ZNF382: variants seen among roughly 807,000 people sequenced by gnomAD.
ZNF382 encodes KRAB/zinc finger suppressor protein 1.
A neutral mutation model predicts 38.8 loss-of-function variants in ZNF382; 20 were observed. That is an observed-to-expected ratio of 0.51 (90% CI 0.36 to 0.75). The LOEUF (loss-of-function observed/expected upper bound fraction) is 0.75, where lower values mean the gene tolerates loss of function less well. ZNF382 is among the 30% of genes least tolerant of loss of function. ZNF382 has a pLI of 0.00. For missense variants in ZNF382, 546 were observed against 654.1 expected (o/e 0.83, Z 1.80); for synonymous variants, 202 against 223.1 (o/e 0.91, Z 0.84).
chr19:36,614,019 C>T (rs1364242445), intron 4 of ZNF382, among the ~76,000 whole-genome samples: 2 of 152,090 alleles, frequency 1.3e-5, no homozygotes, highest in African/African-American at 4.8e-5. Context: ...AGTCAGTTAG[C>T]GTAAGTCCTC....
At chr19:36,621,931 A>G (rs899320310) in intron 4 of ZNF382, among the ~76,000 whole-genome samples, 1 of 152,102 alleles carries the variant, frequency 6.6e-6, no homozygotes, top group African/African-American at 2.4e-5. Flanking sequence ...CCAACTAGGA[A>G]GTTAGAGGGT....
chr19:36,607,291 A>G (rs1330590366), intron 1 of ZNF382, among the ~76,000 whole-genome samples: 1 of 151,634 alleles, frequency 6.6e-6, no homozygotes, highest in African/African-American at 2.4e-5. Flanking sequence ...AGAGGGAAAA[A>G]CACAGTGTTC....
chr19:36,624,094 A>C (rs959139538), intron 4 of ZNF382, among the ~76,000 whole-genome samples: 4 of 152,172 alleles, frequency 2.6e-5, no homozygotes, highest in Admixed American at 6.5e-5. Context: ...GTCTCAAAAA[A>C]AAAAAGGAAA....
At chr19:36,611,246 C>T (rs1263671824) in intron 4 of ZNF382, among the ~76,000 whole-genome samples, 3 of 151,998 alleles carry the variant, frequency 2.0e-5, no homozygotes, top group South Asian at 2.1e-4. Flanking sequence ...GCCAAGATCA[C>T]ACCACTGCAC....
chr19:36,607,628 A>G lies in ZNF382; in HGVS notation c.-14+6A>G. On this transcript the variant is annotated splice_donor_region_variant and intron_variant, in intron 2 of 4. Coordinates refer to ENST00000292928, the MANE Select transcript of ZNF382 (RefSeq NM_032825.5). ...ATCTCAAAGCCATGTCTCAGGTGAG[A>G]TGATGTTTCCTCTCTTTCTGAAATA... The G allele has an allele frequency of 6.6e-7, 1 of 1,523,764 alleles. No homozygotes were observed. The highest frequency in any genetic ancestry group is 8.7e-7 in the Non-Finnish European group (1 of 1,143,112). The allele number at this position is 1,523,764 out of a possible 1,614,324, so 94.4% of individuals were successfully genotyped here.
chr19:36,625,550 CTT>C (rs55992712), intron 4 of ZNF382, among the ~76,000 whole-genome samples: 12 of 137,172 alleles, frequency 8.7e-5, no homozygotes, highest in Non-Finnish European at 7.8e-5. Flanking sequence ...GCTCACTTAT[CTT>C]TTTTTTTTTT....
intron 2 of ZNF382, chr19:36,608,441 A>G (rs1334679975): frequency 6.6e-6 from 1 of 152,194 alleles, no homozygotes; most frequent in Non-Finnish European, 1.5e-5. Context: ...ATGCCAGGCC[A>G]CTTTTGAAAT....
rs2037250684 is a variant in ZNF382 at position 36,630,985 on chromosome 19, G to GTGTTT, written c.*3439_*3440insTTGTT. On this transcript the variant is annotated 3_prime_UTR_variant, in exon 5 of 5. Transcript: ENST00000292928. ...TTTTTTATACATATGGGGTCTCGTT[G>GTGTTT]TGTTGCCCAGGCTGGTATTGAACTC... is the stretch of plus-strand genomic sequence containing the variant. The GTGTTT allele has an allele frequency of 1.3e-5, 2 of 151,708 alleles. No homozygotes were observed. The highest frequency in any genetic ancestry group is 2.9e-5 in the Non-Finnish European group (2 of 67,942). 9.4% of individuals were successfully genotyped at this position (151,708 alleles called of 1,614,324 possible).
Position 36,607,472 on chromosome 19 carries a change from A to T in ZNF382, c.-84-80A>T, listed in dbSNP as rs570470726. The stretch of plus-strand genomic sequence containing the variant: ...GTGCTGAAATAGTGAACATTCATGC[A>T]GATTTAACTGAGTTAATTCTGGGAG... On this transcript the variant is annotated intron_variant, in intron 1 of 4. Transcript: ENST00000292928. 29 of 817,328 alleles carry T rather than the reference A, an allele frequency of 3.5e-5. No homozygotes were observed. In the South Asian group the frequency reaches 4.4e-4, roughly 12 times the overall value. The allele number at this position is 817,328 out of a possible 1,614,324, so 50.6% of individuals were successfully genotyped here.
Position 36,630,161 on chromosome 19 carries a change from C to T in ZNF382, c.*2611C>T, listed in dbSNP as rs183690950. ...AGTAAATCATATTCATCATATACTT[C>T]CCAATTTTGCACACACAAAAAATGA... On this transcript the variant is annotated 3_prime_UTR_variant, in exon 5 of 5. Coordinates refer to ENST00000292928, the MANE Select transcript of ZNF382 (RefSeq NM_032825.5). The T allele has an allele frequency of 1.7e-3, 256 of 152,096 alleles. No homozygotes were observed. Among genetic ancestry groups the T allele is most frequent in the African/African-American group, 5.9e-3 (245 of 41,478 alleles). The allele number at this position is 152,096 out of a possible 1,614,324, so 9.4% of individuals were successfully genotyped here.
intron 4 of ZNF382, among the ~76,000 whole-genome samples, chr19:36,616,310 T>A (rs2037125644): frequency 6.6e-6 from 1 of 152,164 alleles, no homozygotes; most frequent in Non-Finnish European, 1.5e-5. Context: ...AGTTCAAGGC[T>A]GCAGTGAGCT....
chr19:36,614,889 CT>C, intron 4 of ZNF382, among the ~76,000 whole-genome samples: 1 of 76,270 alleles, frequency 1.3e-5, no homozygotes, highest in Non-Finnish European at 2.7e-5. Context: ...TCTTCCTTTC[CT>C]TTCCTTTCCT....
chr19:36,627,117 C>A lies in ZNF382; in HGVS notation c.1220C>A (p.Pro407Gln). 6.2e-7 allele frequency: 1 copy of A among 1,614,052 alleles called. No individual in the cohort carries two copies. Among genetic ancestry groups the A allele is most frequent in the Non-Finnish European group, 8.5e-7 (1 of 1,180,024 alleles). Residue 407 changes from proline (P) to glutamine (Q), a missense_variant, in exon 5 of 5, where the codon CCG becomes CAG. Coordinates refer to ENST00000292928, the MANE Select transcript of ZNF382 (RefSeq NM_032825.5). ...CAGAGAACTCACACAGGAGAGAAAC[C>A]GTATCAGTGTAATGAGTGTGGGAAG... ...DHQRTHTGEKPYQCNECGKAF... is the reference protein window; with the variant it reads ...DHQRTHTGEKQYQCNECGKAF...
Position 36,614,880 on chromosome 19 carries a change from C to CTTCCTTTCCTTTCCT in ZNF382, c.232+4160_232+4174dup, listed in dbSNP as rs376641731. Reference sequence around the variant, plus strand: ...GAACCATTTCTTTCTTTCTTTCTTTCTTCCTTTCCTTTCCTTTCCTTTCCT... The same window carrying CTTCCTTTCCTTTCCT: ...GAACCATTTCTTTCTTTCTTTCTTTCTTCCTTTCCTTTCCTTTCCTTTCCTTTCCTTTCCTTTCCT... On this transcript the variant is annotated intron_variant, in intron 4 of 4. Transcript: ENST00000292928. 3.0e-3 allele frequency among the ~76,000 whole-genome samples: 270 copies of CTTCCTTTCCTTTCCT among 89,858 alleles called. 6 individuals carry two copies. The highest frequency in any genetic ancestry group is 7.7e-3 in the African/African-American group (174 of 22,666). 59.0% of individuals were successfully genotyped at this position (89,858 alleles called of 152,430 possible). A position where few individuals can be genotyped will look rare whatever the true frequency, so the allele number is the denominator to read the frequency against.
intron 4 of ZNF382, among the ~76,000 whole-genome samples, chr19:36,618,096 G>A (rs1465442107): frequency 1.3e-5 from 2 of 152,006 alleles, no homozygotes; most frequent in Non-Finnish European, 2.9e-5. Flanking sequence ...GTTTTGTTTT[G>A]TTTGCCTGTT....
At chr19:36,623,231 C>A (rs931612323) in intron 4 of ZNF382, among the ~76,000 whole-genome samples, 2 of 152,082 alleles carry the variant, frequency 1.3e-5, no homozygotes, top group Non-Finnish European at 1.5e-5. Context: ...TTTAGGGGTA[C>A]CTGCCAGCAT....
chr19:36,608,628 T>G (rs1438482189), intron 2 of ZNF382: 1 of 152,216 alleles, frequency 6.6e-6, no homozygotes, highest in African/African-American at 2.4e-5. Flanking sequence ...AGGCTACACT[T>G]AGTGTGATTC....
intron 4 of ZNF382, among the ~76,000 whole-genome samples, chr19:36,621,786 G>C (rs2145329874): frequency 6.6e-6 from 1 of 152,258 alleles, no homozygotes; most frequent in East Asian, 1.9e-4. Context: ...TTGGATTTTA[G>C]TATCCTTGGG....
At chr19:36,614,914 C>CGTTTCCCTTTCCCTTTCCCT (rs1555793084) in intron 4 of ZNF382, among the ~76,000 whole-genome samples, 6 of 90,820 alleles carry the variant, frequency 6.6e-5, no homozygotes, top group Admixed American at 5.5e-4. Flanking sequence ...CTTTCCTTTC[C>CGTTTCCCTTTCCCTTTCCCT]TTCCCTTTCC....
Sources: allele counts gnomAD v4.1 joint callset (sites outside exome capture counted in the v4.1 genomes callset), GRCh38; gene constraint gnomAD v4.1.1; transcripts MANE v1.5; gene names NCBI Gene and HGNC (gene_info 2026-07-23, HGNC 2026-07-21).